The following GRIK2 variants were observed in gnomAD, a reference collection of about 807,000 sequenced individuals.
GRIK2 encodes glutamate receptor ionotropic, kainate 2.
GRIK2 carries 32 observed loss-of-function variants against 100.3 expected under a neutral mutation model. The ratio of observed to expected loss-of-function variants is 0.32; its 90% confidence interval spans 0.24 to 0.43. The LOEUF is 0.43. GRIK2 is among the 20% of genes least tolerant of loss of function. The pLI, the probability that GRIK2 is intolerant of heterozygous loss-of-function variation, is 1.00. For synonymous variants in GRIK2, 417 were observed against 389.4 expected (o/e 1.07, Z -0.83); for missense variants, 843 against 1,114.9 (o/e 0.76, Z 3.47).
At chr6:101,678,601 G>T (rs997312530) in intron 5 of GRIK2, among the ~76,000 whole-genome samples, 1 of 152,092 alleles carries the variant, frequency 6.6e-6, no homozygotes, top group Non-Finnish European at 1.5e-5. Context: ...AGAAGAAAGT[G>T]AATAGCTTCT....
intron 2 of GRIK2, among the ~76,000 whole-genome samples, chr6:101,470,295 A>C (rs1771877577): frequency 6.6e-6 from 1 of 152,134 alleles, no homozygotes; most frequent in Non-Finnish European, 1.5e-5. Flanking sequence ...GTTCTAGCTG[A>C]CTTGAGTTGG....
intron 7 of GRIK2, among the ~76,000 whole-genome samples, chr6:101,699,777 C>G (rs961813932): frequency 6.6e-6 from 1 of 151,968 alleles, no homozygotes. Flanking sequence ...ACATGGCTAC[C>G]AGAGAGAAGG....
chr6:101,831,472 G>A (rs901870558), intron 10 of GRIK2, among the ~76,000 whole-genome samples: 1 of 152,082 alleles, frequency 6.6e-6, no homozygotes, highest in Admixed American at 6.6e-5. Context: ...CAGAATTCAG[G>A]CTTGAAGAGC....
intron 14 of GRIK2, among the ~76,000 whole-genome samples, chr6:101,962,789 A>G (rs987098852): frequency 6.6e-6 from 1 of 152,110 alleles, no homozygotes; most frequent in African/African-American, 2.4e-5. Flanking sequence ...ATTGATCTCA[A>G]TATAACTATA....
intron 2 of GRIK2, among the ~76,000 whole-genome samples, chr6:101,464,893 A>C (rs1771561458): frequency 6.6e-6 from 1 of 152,160 alleles, no homozygotes; most frequent in Non-Finnish European, 1.5e-5. Context: ...TAAAGGGCTT[A>C]TACCTGGCAG....
chr6:101,804,037 A>G (rs1455706445), intron 9 of GRIK2, among the ~76,000 whole-genome samples: 1 of 151,618 alleles, frequency 6.6e-6, no homozygotes, highest in Non-Finnish European at 1.5e-5. Flanking sequence ...GTACAGTGAT[A>G]AGATAATACA....
Position 101,794,309 on chromosome 6 carries a change from G to A in GRIK2, c.952-5339G>A, listed in dbSNP as rs561779742. ...ATCACCCCTCTTCTGCGTCGCTCAC[G>A]CTGGGAGCTGTAGACCGGAGCTGTT... On this transcript the variant is annotated intron_variant, in intron 7 of 16. Coordinates refer to ENST00000369134, the MANE Select transcript of GRIK2 (RefSeq NM_021956.5). Among the ~76,000 whole-genome samples, 242 of 152,038 alleles carry A rather than the reference G, an allele frequency of 1.6e-3. 2 individuals carry two copies. The highest frequency in any genetic ancestry group is 2.5e-3 in the Non-Finnish European group (171 of 68,002).
intron 2 of GRIK2, among the ~76,000 whole-genome samples, chr6:101,588,126 G>A (rs1778463554): frequency 6.6e-6 from 1 of 152,032 alleles, no homozygotes; most frequent in African/African-American, 2.4e-5. Flanking sequence ...TATTTTGTTA[G>A]TGTAAAATAT....
intron 2 of GRIK2, among the ~76,000 whole-genome samples, chr6:101,502,973 C>A (rs1203282708): frequency 6.6e-6 from 1 of 152,070 alleles, no homozygotes; most frequent in Non-Finnish European, 1.5e-5. Flanking sequence ...TCTTCCCCGA[C>A]ACAGGATGGC....
At chr6:101,765,928 G>A (rs9485541) in intron 7 of GRIK2, among the ~76,000 whole-genome samples, 3,459 of 151,990 alleles carry the variant, frequency 0.023, 153 homozygotes, top group African/African-American at 0.079. Flanking sequence ...TTATTTTTGT[G>A]GAATCCTTTT....
At chr6:101,535,741 G>A (rs1410232691) in intron 2 of GRIK2, among the ~76,000 whole-genome samples, 1 of 151,568 alleles carries the variant, frequency 6.6e-6, no homozygotes, top group Non-Finnish European at 1.5e-5. Context: ...CAATTCACTT[G>A]CTGTGATTTT....
chr6:102,008,430 A>AGAGAACTAGTAACG (rs1795355874), intron 14 of GRIK2, among the ~76,000 whole-genome samples: 1 of 152,150 alleles, frequency 6.6e-6, no homozygotes, highest in African/African-American at 2.4e-5. Flanking sequence ...GCCTGATGAC[A>AGAGAACTAGTAACG]GAGAACTAGT....
chr6:101,637,856 A>G (rs778317435), intron 4 of GRIK2, among the ~76,000 whole-genome samples: 9 of 152,028 alleles, frequency 5.9e-5, no homozygotes, highest in Non-Finnish European at 1.0e-4. Context: ...TGCTGTCTCA[A>G]TCTCTTTGCT....
chr6:101,486,394 G>C (rs1488089899), intron 2 of GRIK2, among the ~76,000 whole-genome samples: 4 of 139,508 alleles, frequency 2.9e-5, no homozygotes, highest in East Asian at 5.0e-4. Context: ...GGTGGGGCGG[G>C]GGGGGGAAGC....
At chr6:101,425,250 C>T (rs957922631) in intron 2 of GRIK2, among the ~76,000 whole-genome samples, 9 of 152,276 alleles carry the variant, frequency 5.9e-5, no homozygotes, top group Non-Finnish European at 1.3e-4. Flanking sequence ...CACTGACTTC[C>T]ACAATGGTTG....
chr6:101,592,982 G>A (rs993300512), intron 2 of GRIK2, among the ~76,000 whole-genome samples: 2 of 151,860 alleles, frequency 1.3e-5, no homozygotes, highest in African/African-American at 4.8e-5. Flanking sequence ...CCAGATTAAT[G>A]ATATAGGCAA....
chr6:101,951,130 G>A (rs554070227), intron 14 of GRIK2, among the ~76,000 whole-genome samples: 15 of 152,116 alleles, frequency 9.9e-5, no homozygotes, highest in South Asian at 2.1e-4. Flanking sequence ...ATTGAGTGCA[G>A]TCATCCAAAC....
intron 7 of GRIK2, among the ~76,000 whole-genome samples, chr6:101,732,189 C>CT (rs1433836163): frequency 2.0e-5 from 3 of 151,766 alleles, no homozygotes; most frequent in South Asian, 4.1e-4. Context: ...TTCACATAAT[C>CT]TAATCAATTG....
intron 15 of GRIK2, among the ~76,000 whole-genome samples, chr6:102,039,653 A>C (rs1770463227): frequency 6.6e-6 from 1 of 151,474 alleles, no homozygotes; most frequent in Non-Finnish European, 1.5e-5. Context: ...CCTGTACTTA[A>C]AAGCCTTCTT....
Sources: gnomAD v4.1 joint callset for allele counts (sites outside exome capture counted in the v4.1 genomes callset) on GRCh38, gnomAD v4.1.1 for gene constraint, MANE v1.5 for transcripts, NCBI Gene and HGNC (gene_info 2026-07-23, HGNC 2026-07-21) for gene names.